LPP: variants seen among roughly 807,000 people sequenced by gnomAD.
The protein encoded by LPP is lipoma-preferred partner.
A neutral mutation model predicts 60.4 loss-of-function variants in LPP; 38 were observed. That is an observed-to-expected ratio of 0.63 (90% CI 0.49 to 0.83). LPP has a LOEUF of 0.83. Among genes scored for constraint, LPP ranks in the 40% least tolerant of loss-of-function variants. The probability of loss-of-function intolerance (pLI) is 0.00; values close to 1 mark genes in which losing one functional copy is unlikely to be tolerated. For synonymous variants in LPP, 328 were observed against 290.8 expected (o/e 1.13, Z -1.30); for missense variants, 902 against 783.6 (o/e 1.15, Z -1.80).
At chr3:188,407,772 TTTTTTTTGTTTGTTTG>T (rs1219533161) in intron 4 of LPP, among the ~76,000 whole-genome samples, 1 of 94,532 alleles carries the variant, frequency 1.1e-5, no homozygotes, top group African/African-American at 3.6e-5. Flanking sequence ...TTTATGGTTT[TTTTTTTTGTTTGTTTG>T]TTTTTTTTTT....
chr3:188,799,316 C>T (rs532466936), intron 9 of LPP, among the ~76,000 whole-genome samples: 1 of 152,182 alleles, frequency 6.6e-6, no homozygotes, highest in African/African-American at 2.4e-5. Context: ...ACCTGTTTAA[C>T]CTTTACATTC....
intron 2 of LPP, among the ~76,000 whole-genome samples, chr3:188,242,179 T>A: frequency 6.6e-6 from 1 of 152,218 alleles, no homozygotes; most frequent in East Asian, 1.9e-4. Flanking sequence ...GCAGAGCTTT[T>A]AGACACTCAG....
intron 5 of LPP, among the ~76,000 whole-genome samples, chr3:188,508,719 G>A (rs1429927816): frequency 6.6e-6 from 1 of 152,222 alleles, no homozygotes; most frequent in Non-Finnish European, 1.5e-5. Flanking sequence ...CTGCGGGTGA[G>A]AACACAGAAA....
chr3:188,591,555 G>A (rs769690069), intron 6 of LPP, among the ~76,000 whole-genome samples: 7 of 152,168 alleles, frequency 4.6e-5, no homozygotes, highest in Non-Finnish European at 8.8e-5. Flanking sequence ...TGCTCTGGGA[G>A]CCTTTTTCCT....
At chr3:188,211,336 G>A (rs1734636533) in intron 1 of LPP, among the ~76,000 whole-genome samples, 1 of 152,078 alleles carries the variant, frequency 6.6e-6, no homozygotes, top group South Asian at 2.1e-4. Context: ...ACCTCTTGGT[G>A]CAGTCCAAAG....
intron 8 of LPP, among the ~76,000 whole-genome samples, chr3:188,759,758 C>T (rs1560167006): frequency 1.3e-5 from 2 of 152,190 alleles, no homozygotes; most frequent in Admixed American, 6.5e-5. Context: ...TTGCCTTCCA[C>T]TCCAAACATC....
chr3:188,253,452 C>T (rs1730629790), intron 2 of LPP, among the ~76,000 whole-genome samples: 1 of 151,890 alleles, frequency 6.6e-6, no homozygotes, highest in Non-Finnish European at 1.5e-5. Context: ...TACTTTTTTC[C>T]AAATGGTTAT....
chr3:188,653,066 A>G (rs1220240462), intron 7 of LPP, among the ~76,000 whole-genome samples: 1 of 152,192 alleles, frequency 6.6e-6, no homozygotes, highest in Non-Finnish European at 1.5e-5. Context: ...CCTCAAGAAG[A>G]GTCGTCTTGA....
chr3:188,788,467 GC>G (rs1577558338), intron 9 of LPP, among the ~76,000 whole-genome samples: 1 of 152,240 alleles, frequency 6.6e-6, no homozygotes, highest in East Asian at 1.9e-4. Context: ...TGATTCTTGT[GC>G]CTTATCCTCC....
At chr3:188,588,092 A>T (rs1007740991) in intron 6 of LPP, among the ~76,000 whole-genome samples, 4 of 152,248 alleles carry the variant, frequency 2.6e-5, no homozygotes, top group African/African-American at 7.2e-5. Flanking sequence ...AAACTCTGAT[A>T]TTTAAAAATA....
In LPP at chr3:188,879,777, T is replaced by C. The variant is rs887199999; in HGVS notation, c.*5298T>C. 10 of 181,130 alleles carry C rather than the reference T, an allele frequency of 5.5e-5. No individual in the cohort carries two copies. The highest frequency in any genetic ancestry group is 2.1e-4 in the African/African-American group (9 of 42,446). The allele number at this position is 181,130 out of a possible 1,614,324, so 11.2% of individuals were successfully genotyped here. A position where few individuals can be genotyped will look rare whatever the true frequency, so the allele number is the denominator to read the frequency against. ...CAGAATTTTAACACAGATTAACACTTAGCCTGTAAGACTAATAATATATTG... is the reference window on the plus strand; with the variant it reads ...CAGAATTTTAACACAGATTAACACTCAGCCTGTAAGACTAATAATATATTG... On this transcript the variant is annotated 3_prime_UTR_variant, in exon 12 of 12. Coordinates refer to ENST00000617246, the MANE Select transcript of LPP (RefSeq NM_001375462.1).
chr3:188,488,698 G>A (rs556867071), intron 5 of LPP, among the ~76,000 whole-genome samples: 2 of 151,856 alleles, frequency 1.3e-5, no homozygotes, highest in African/African-American at 2.4e-5. Flanking sequence ...GTGCAGTGGC[G>A]GGATCTTGGC....
intron 6 of LPP, among the ~76,000 whole-genome samples, chr3:188,593,331 TCACA>T (rs914051831): frequency 6.6e-5 from 10 of 151,836 alleles, no homozygotes; most frequent in Non-Finnish European, 1.2e-4. Flanking sequence ...TCTCTCCCTC[TCACA>T]CACACACAGA....
chr3:188,313,723 C>T (rs1026066938), intron 2 of LPP, among the ~76,000 whole-genome samples: 2 of 151,942 alleles, frequency 1.3e-5, no homozygotes, highest in Admixed American at 6.6e-5. Flanking sequence ...GTTAGCATTA[C>T]ATGCTATACA....
At chr3:188,294,252 A>G (rs1747091696) in intron 2 of LPP, among the ~76,000 whole-genome samples, 2 of 152,074 alleles carry the variant, frequency 1.3e-5, no homozygotes, top group Non-Finnish European at 2.9e-5. Context: ...GATGCTGAAA[A>G]TGCTCTTTAT....
intron 8 of LPP, chr3:188,759,317 T>C (rs559854805): frequency 2.6e-5 from 4 of 152,376 alleles, no homozygotes; most frequent in Admixed American, 6.5e-5. Context: ...GAATACTGCA[T>C]GAACAACGAG....
At chr3:188,487,709 T>C (rs188866894) in intron 5 of LPP, among the ~76,000 whole-genome samples, 3 of 152,296 alleles carry the variant, frequency 2.0e-5, no homozygotes, top group Admixed American at 2.0e-4. Flanking sequence ...GTACCAGCTA[T>C]AGAAATGAGC....
chr3:188,821,003 A>T (rs994663106), intron 9 of LPP, among the ~76,000 whole-genome samples: 1 of 151,958 alleles, frequency 6.6e-6, no homozygotes, highest in Admixed American at 6.6e-5. Flanking sequence ...CTTTAACAGA[A>T]ATTATCTTTT....
At chr3:188,590,679 C>T (rs886824541) in intron 6 of LPP, among the ~76,000 whole-genome samples, 2 of 152,124 alleles carry the variant, frequency 1.3e-5, no homozygotes, top group African/African-American at 4.8e-5. Context: ...TACAACTGAC[C>T]TCTGATTGGA....
Sources: allele counts gnomAD v4.1 joint callset (sites outside exome capture counted in the v4.1 genomes callset), GRCh38; gene constraint gnomAD v4.1.1; transcripts MANE v1.5; gene names NCBI Gene and HGNC (gene_info 2026-07-23, HGNC 2026-07-21).